TAFA5: variants seen among roughly 807,000 people sequenced by gnomAD.
The protein encoded by TAFA5 is chemokine-like protein TAFA-5.
In TAFA5, 6 loss-of-function variants were observed where a neutral mutation model predicts 15.3. The observed-to-expected ratio is 0.39, with a 90% CI of 0.21 to 0.77. The LOEUF (loss-of-function observed/expected upper bound fraction) is 0.77. Among genes scored for constraint, TAFA5 ranks in the 30% least tolerant of loss-of-function variants. The probability of loss-of-function intolerance (pLI) is 0.41; values close to 1 mark genes in which losing one functional copy is unlikely to be tolerated. For missense variants in TAFA5, 161 were observed against 193.1 expected, an observed-to-expected ratio of 0.83 and a Z score of 0.98; for synonymous variants, 103 against 80.7, an observed-to-expected ratio of 1.28 and a Z score of -1.48.
rs780963662 is a variant in TAFA5, at chr22:48,566,775, C to T, written c.112+77071C>T. On this transcript the variant is annotated intron_variant, in intron 1 of 3. Transcript: ENST00000402357. The surrounding 1 kb of genome is among the most constrained non-coding windows in gnomAD (Gnocchi z 4.5). ...GTAGAGAACCCAGCCCCTGATCATG[C>T]TCTCCTCCTTTTGCCTGTGTCCTCC... Among the ~76,000 whole-genome samples the T allele has an allele frequency of 4.6e-5, 7 of 152,206 alleles. No homozygotes were observed. Among genetic ancestry groups the T allele is most frequent in the Non-Finnish European group, 1.0e-4 (7 of 68,044 alleles).
chr22:48,544,950 G>A (rs986262306), intron 1 of TAFA5: 1 of 454,652 alleles, frequency 2.2e-6, no homozygotes, highest in Non-Finnish European at 4.6e-6. Flanking sequence ...GAAGGATGCT[G>A]AGCGCACCTG....
chr22:48,504,918 C>A (rs1463166933), intron 1 of TAFA5, among the ~76,000 whole-genome samples: 2 of 152,200 alleles, frequency 1.3e-5, no homozygotes, highest in African/African-American at 4.8e-5. Flanking sequence ...ACACCCCACC[C>A]TGCCCTGAGC....
intron 1 of TAFA5, among the ~76,000 whole-genome samples, chr22:48,607,581 A>G (rs1255344148): frequency 7.5e-6 from 1 of 132,964 alleles, no homozygotes; most frequent in Non-Finnish European, 1.6e-5. Context: ...CAGGTACCTC[A>G]GCCTGGAGCA....
At chr22:48,723,554 C>T (rs1929631552) in intron 3 of TAFA5, among the ~76,000 whole-genome samples, 1 of 152,228 alleles carries the variant, frequency 6.6e-6, no homozygotes, top group Non-Finnish European at 1.5e-5. Context: ...CCCAGACTGA[C>T]AAGCCCCTTC....
intron 1 of TAFA5, among the ~76,000 whole-genome samples, chr22:48,587,766 C>G (rs1030885175): frequency 6.6e-6 from 1 of 152,242 alleles, no homozygotes; most frequent in Non-Finnish European, 1.5e-5. Context: ...ATGCTCCAAA[C>G]ACGGCCTTCT....
rs545150876 is a variant in TAFA5 at position 48,552,807 on chromosome 22, C to T, written c.112+63103C>T. ...GGAAGAGGAGGGGCAGCTGGGATTG[C>T]ACCTATATGGGGCTTCCAGGGCTCA... On this transcript the variant is annotated intron_variant, in intron 1 of 3. Transcript: ENST00000402357. This position sits in a 1 kb window ranked among gnomAD's most constrained non-coding sequence, Gnocchi z 4.1. Among the ~76,000 whole-genome samples, 2 of 152,132 alleles carry T rather than the reference C, an allele frequency of 1.3e-5. No individual in the cohort carries two copies. The highest frequency in any genetic ancestry group is 1.5e-5 in the Non-Finnish European group (1 of 68,018).
chr22:48,615,226 T>G (rs1235114950), intron 1 of TAFA5, among the ~76,000 whole-genome samples: 1 of 151,642 alleles, frequency 6.6e-6, no homozygotes, highest in Non-Finnish European at 1.5e-5. Context: ...GTGATAAGAG[T>G]TCTTAATTAG....
chr22:48,561,048 G>A (rs889795599), intron 1 of TAFA5, among the ~76,000 whole-genome samples: 1 of 152,180 alleles, frequency 6.6e-6, no homozygotes, highest in Non-Finnish European at 1.5e-5. Flanking sequence ...GCTGTGGCAG[G>A]CTCTGCTCTT....
At chr22:48,725,889 G>A (rs977955332) in intron 3 of TAFA5, among the ~76,000 whole-genome samples, 2 of 152,200 alleles carry the variant, frequency 1.3e-5, no homozygotes, top group Non-Finnish European at 2.9e-5. Context: ...GAAAACCATA[G>A]TGTTGGAAAG....
intron 1 of TAFA5, among the ~76,000 whole-genome samples, chr22:48,616,732 C>A (rs139741816): frequency 1.3e-5 from 2 of 152,334 alleles, no homozygotes; most frequent in Non-Finnish European, 2.9e-5. Context: ...GAAAGCCCAG[C>A]GAGGTGGGTC....
At chr22:48,639,909 C>A (rs760969810) in intron 1 of TAFA5, among the ~76,000 whole-genome samples, 2 of 152,154 alleles carry the variant, frequency 1.3e-5, no homozygotes, top group South Asian at 2.1e-4. Context: ...TGCTCTCCCC[C>A]TCATCCACAG....
At chr22:48,546,211 GCAGAGT>G (rs1477380703) in intron 1 of TAFA5, among the ~76,000 whole-genome samples, 1 of 152,238 alleles carries the variant, frequency 6.6e-6, no homozygotes, top group Non-Finnish European at 1.5e-5. Flanking sequence ...TGGCCAGCAG[GCAGAGT>G]CCACTCCTTG....
chr22:48,508,525 G>A (rs907273559), intron 1 of TAFA5, among the ~76,000 whole-genome samples: 1 of 152,186 alleles, frequency 6.6e-6, no homozygotes, highest in African/African-American at 2.4e-5. Flanking sequence ...GCAGCCACTT[G>A]GTGTCCCAGA....
intron 1 of TAFA5, among the ~76,000 whole-genome samples, chr22:48,543,042 G>A (rs577185818): frequency 5.7e-4 from 86 of 151,940 alleles, no homozygotes; most frequent in African/African-American, 2.1e-3. Context: ...GTGGGACCCC[G>A]ATCTGGCAGT....
chr22:48,512,047 C>A (rs572671099), intron 1 of TAFA5, among the ~76,000 whole-genome samples: 257 of 152,244 alleles, frequency 1.7e-3, no homozygotes, highest in African/African-American at 5.9e-3. Flanking sequence ...ACGGTTCAGG[C>A]GGGGATTTGG....
chr22:48,612,120 C>A (rs1453918034), intron 1 of TAFA5, among the ~76,000 whole-genome samples: 1 of 152,274 alleles, frequency 6.6e-6, no homozygotes, highest in East Asian at 1.9e-4. Flanking sequence ...TGCGTCTATG[C>A]AGGTGCAGGA....
chr22:48,576,553 G>C (rs767581959), intron 1 of TAFA5: 12 of 1,511,746 alleles, frequency 7.9e-6, no homozygotes. Context: ...AGTGATCCAC[G>C]CGCAGTTCCT....
At chr22:48,670,471 A>G (rs897782690) in intron 2 of TAFA5, among the ~76,000 whole-genome samples, 1 of 152,256 alleles carries the variant, frequency 6.6e-6, no homozygotes, top group African/African-American at 2.4e-5. Context: ...GGCTAAGCCC[A>G]TGGCGGGCTG....
At chr22:48,534,888 A>G (rs1437210869) in intron 1 of TAFA5, among the ~76,000 whole-genome samples, 1 of 151,762 alleles carries the variant, frequency 6.6e-6, no homozygotes, top group African/African-American at 2.4e-5. Context: ...GTCGGTGCCC[A>G]TTGTTTGTCT....
Sources: gnomAD v4.1 joint callset for allele counts (sites outside exome capture counted in the v4.1 genomes callset) on GRCh38, gnomAD v4.1.1 for gene constraint, Gnocchi (gnomAD v3.1) non-coding constraint, MANE v1.5 for transcripts, NCBI Gene and HGNC (gene_info 2026-07-23, HGNC 2026-07-21) for gene names.